SART1: variants seen among roughly 807,000 people sequenced by gnomAD.
The protein encoded by SART1 is U4/U6.U5 tri-snRNP-associated protein 1.
SART1 carries 28 observed loss-of-function variants against 105.0 expected under a neutral mutation model. The observed-to-expected ratio is 0.27, with a 90% CI of 0.20 to 0.37. The LOEUF (loss-of-function observed/expected upper bound fraction) is 0.37, where lower values mean the gene tolerates loss of function less well. SART1 is among the 10% of genes least tolerant of loss of function. SART1 has a pLI of 1.00. For synonymous variants in SART1, 472 were observed against 462.9 expected, an observed-to-expected ratio of 1.02 and a Z score of -0.25; for missense variants, 894 against 1,106.5, an observed-to-expected ratio of 0.81 and a Z score of 2.72.
Position 65,965,282 on chromosome 11 carries a change from C to T in SART1, c.555-60C>T, listed in dbSNP as rs1019896369. The T allele has an allele frequency of 3.1e-6, 5 of 1,605,036 alleles. No homozygotes were observed. In the African/African-American group the frequency reaches 5.4e-5, roughly 17 times the overall value. ...GGGAGGCCACCATCCTTGGCTGCCT[C>T]TTGAGTGGGGTGGGGAGCAGGAGCT... On this transcript the variant is annotated intron_variant, in intron 4 of 19. Coordinates refer to ENST00000312397, the MANE Select transcript of SART1 (RefSeq NM_005146.5).
chr11:65,977,225 G>A (rs559549829), intron 15 of SART1, 124 bp downstream of exon 15: 113 of 701,156 alleles, frequency 1.6e-4, no homozygotes, highest in South Asian at 6.8e-5. Context: ...CCAGCTGTCC[G>A]GCCCAGAGCC....
At chr11:65,967,440 G>C (rs376695466) in intron 10 of SART1, 31 bp from the exon 11 acceptor site, 1 of 1,613,640 alleles carries the variant, frequency 6.2e-7, no homozygotes, top group Non-Finnish European at 8.5e-7. Context: ...CCTGGGGACC[G>C]GTGCTCACCA....
rs755887180 is a variant in SART1, at chr11:65,976,392, C to T, written c.1573-3C>T. 2.0e-6 allele frequency: 3 copies of T among 1,533,842 alleles called. No individual in the cohort carries two copies. Among genetic ancestry groups the T allele is most frequent in the Non-Finnish European group, 2.6e-6 (3 of 1,144,538 alleles). On this transcript the variant is annotated splice_polypyrimidine_tract_variant and splice_region_variant and intron_variant, in intron 12 of 19. Coordinates refer to ENST00000312397, the MANE Select transcript of SART1 (RefSeq NM_005146.5). This position sits in a 1 kb window ranked among gnomAD's most constrained non-coding sequence, Gnocchi z 5.1. ...GTTTGCCCACAGCCGCTCCCTCCCC[C>T]AGGTGGTGGAGATTGTGAAGAAGCT...
chr11:65,967,216 T>A, intron 9 of SART1, 43 bp from the exon 10 acceptor site: 1 of 1,603,576 alleles, frequency 6.2e-7, no homozygotes, highest in Non-Finnish European at 8.5e-7. Flanking sequence ...GCGACCTGCC[T>A]TTCTGTGGCC....
At chr11:65,974,081 C>T (rs974011854) in intron 12 of SART1, among the ~76,000 whole-genome samples, 16 of 151,210 alleles carry the variant, frequency 1.1e-4, no homozygotes, top group South Asian at 2.1e-4. Context: ...CTATATCAGC[C>T]GCTGGGTGCG....
rs763145998 is a variant in SART1 at position 65,976,136 on chromosome 11, C to T, written c.1573-259C>T. Among the ~76,000 whole-genome samples the T allele has an allele frequency of 2.6e-5, 4 of 152,076 alleles. No homozygotes were observed. Among genetic ancestry groups the T allele is most frequent in the Non-Finnish European group, 4.4e-5 (3 of 68,012 alleles). On this transcript the variant is annotated intron_variant, in intron 12 of 19. Coordinates refer to ENST00000312397, the MANE Select transcript of SART1 (RefSeq NM_005146.5). This position sits in a 1 kb window ranked among gnomAD's most constrained non-coding sequence, Gnocchi z 5.1. ...GAGGGGCTTTGGAGGGGGATTGGCA[C>T]AGGCCTGGTCAGGAAGGCCCTGTAG...
At chr11:65,975,616 G>T (rs1248886463) in intron 12 of SART1, among the ~76,000 whole-genome samples, 3 of 152,008 alleles carry the variant, frequency 2.0e-5, no homozygotes, top group African/African-American at 7.2e-5. Flanking sequence ...ATGTTGCCCA[G>T]GCTGGTCTCG....
rs1250559587 is a variant in SART1 at position 65,964,197 on chromosome 11, G to GGGA, written c.371+69_371+71dup. The GGGA allele has an allele frequency of 3.7e-6, 5 of 1,366,284 alleles. No homozygotes were observed. The Admixed American group carries it at 6.8e-5, about 19-fold the overall frequency. The allele number at this position is 1,366,284 out of a possible 1,614,324, so 84.6% of individuals were successfully genotyped here. On this transcript the variant is annotated intron_variant, in intron 2 of 19. Transcript: ENST00000312397. ...AGAGGTGGCTCTGGGGCCAGCACGG[G>GGGA]GGAGGCTTTCTCACATGAAAGTGTG...
chr11:65,971,913 T>C (rs1394759168), intron 12 of SART1, among the ~76,000 whole-genome samples: 1 of 152,006 alleles, frequency 6.6e-6, no homozygotes, highest in Admixed American at 6.6e-5. Context: ...ACAGAAAGGA[T>C]CCTTGGAATT....
Position 65,967,598 on chromosome 11 carries a change from G to T in SART1, c.1429+12G>T, listed in dbSNP as rs1451113761. On this transcript the variant is annotated intron_variant, in intron 11 of 19. Transcript: ENST00000312397. ...CATCAGTGATGAGGGTGAGGGCCCG[G>T]CCAGGGGGTGGGAGGGGCAGGGACA... The T allele has an allele frequency of 1.2e-6, 2 of 1,610,354 alleles. No homozygotes were observed. Among genetic ancestry groups the T allele is most frequent in the Non-Finnish European group, 1.7e-6 (2 of 1,179,026 alleles).
At position 65,976,304 on chromosome 11, in the gene SART1, G is replaced by C; in HGVS notation, c.1573-91G>C. 7.3e-7 allele frequency: 1 copy of C among 1,373,568 alleles called. No homozygotes were observed. The highest frequency in any genetic ancestry group is 9.6e-7 in the Non-Finnish European group (1 of 1,037,996). The allele number at this position is 1,373,568 out of a possible 1,614,324, so 85.1% of individuals were successfully genotyped here. ...ATGGGCTGTGGGCGTGGCCTGTCTG[G>C]CTGCTGCCAGGGAGGACCCTTAGGT... On this transcript the variant is annotated intron_variant, in intron 12 of 19. Transcript: ENST00000312397. The surrounding 1 kb of genome is among the most constrained non-coding windows in gnomAD (Gnocchi z 5.1).
Position 65,980,093 on chromosome 11 carries a change from ACAGT to A in SART1, c.*1067_*1070del, listed in dbSNP as rs988665357. Reference sequence around the variant, plus strand: ...GAGCCACCACACTGCAGCCTAGGTGACAGTCAGACCCTGTCTCAAAAAAAATAAA... The same window carrying A: ...GAGCCACCACACTGCAGCCTAGGTGACAGACCCTGTCTCAAAAAAAATAAA... On this transcript the variant is annotated 3_prime_UTR_variant, in exon 20 of 20. Transcript: ENST00000312397. Among the ~76,000 whole-genome samples the A allele has an allele frequency of 6.6e-5, 10 of 152,154 alleles. No homozygotes were observed. Among genetic ancestry groups the A allele is most frequent in the African/African-American group, 1.2e-4 (5 of 41,418 alleles).
intron 1 of SART1, among the ~76,000 whole-genome samples, chr11:65,962,575 C>T (rs1472460352): frequency 6.6e-6 from 1 of 151,764 alleles, no homozygotes; most frequent in African/African-American, 2.4e-5. Flanking sequence ...GATGTGAACA[C>T]AAAGGACCCT....
At chr11:65,962,832 T>G (rs1855173370) in intron 1 of SART1, among the ~76,000 whole-genome samples, 1 of 151,806 alleles carries the variant, frequency 6.6e-6, no homozygotes, top group Non-Finnish European at 1.5e-5. Flanking sequence ...GGAGAGGTGT[T>G]TTGGAGGAGG....
chr11:65,967,850 C>T (rs1227922294), intron 12 of SART1, 29 bp downstream of exon 12: 2 of 1,467,244 alleles, frequency 1.4e-6, no homozygotes, highest in Non-Finnish European at 1.8e-6. Context: ...AGGGTGACTG[C>T]GTCAGCAGTC....
At position 65,980,119 on chromosome 11, in the gene SART1, T is replaced by A. The variant is rs1170650371; in HGVS notation, c.*1089T>A. Among the ~76,000 whole-genome samples the A allele has an allele frequency of 4.0e-5, 6 of 151,646 alleles. No individual in the cohort carries two copies. Among genetic ancestry groups the A allele is most frequent in the Admixed American group, 2.6e-4 (4 of 15,216 alleles). On this transcript the variant is annotated 3_prime_UTR_variant, in exon 20 of 20. Coordinates refer to ENST00000312397, the MANE Select transcript of SART1 (RefSeq NM_005146.5). ...CAGTCAGACCCTGTCTCAAAAAAAA[T>A]AAAAAAAATTTAAAATAATCTTGGG...
rs1251979216 is a variant in SART1 at position 65,966,094 on chromosome 11, A to G, written c.857A>G (p.Glu286Gly). ...LKDKGVLQEE[E>G]DVLVNVNLVD... ...CCCCCAGGCGTGCTGCAGGAGGAGG[A>G]GGACGTGCTGGTGAACGTGAACCTG... The change falls in exon 8 of 20, where the codon GAG becomes GGG. Residue 286 changes from glutamate to glycine, a missense_variant. Glu to Gly is a moderately conservative substitution (Grantham distance 98, BLOSUM62 -2). Transcript: ENST00000312397. The G allele has an allele frequency of 1.2e-6, 2 of 1,613,840 alleles. No individual in the cohort carries two copies. Among genetic ancestry groups the G allele is most frequent in the African/African-American group, 1.3e-5 (1 of 74,922 alleles).
At position 65,979,182 on chromosome 11, in the gene SART1, A is replaced by G. The variant is rs679581; in HGVS notation, c.*152A>G. On this transcript the variant is annotated 3_prime_UTR_variant, in exon 20 of 20. Coordinates refer to ENST00000312397, the MANE Select transcript of SART1 (RefSeq NM_005146.5). ...GGCTCCTGCTAGGTGAGACCTGGCC[A>G]TCAAATGACACAAACAACTAAACGA... 0.45 allele frequency: 415,200 copies of G among 926,216 alleles called. 96,530 individuals are homozygous for G. The highest frequency in any genetic ancestry group is 0.6 in the Admixed American group (25,605 of 42,684). The allele number at this position is 926,216 out of a possible 1,614,324, so 57.4% of individuals were successfully genotyped here.
At position 65,979,305 on chromosome 11, in the gene SART1, A is replaced by G; in HGVS notation, c.*275A>G. 1.7e-6 allele frequency: 1 copy of G among 575,964 alleles called. No homozygotes were observed. Among genetic ancestry groups the G allele is most frequent in the Non-Finnish European group, 3.1e-6 (1 of 323,518 alleles). The allele number at this position is 575,964 out of a possible 1,614,324, so 35.7% of individuals were successfully genotyped here. A position where few individuals can be genotyped will look rare whatever the true frequency, so the allele number is the denominator to read the frequency against. ...GGCCGGCTCTCTGATAGAAAGTGGA[A>G]GGCGGTTTTAGAAACTCATCACCCT... On this transcript the variant is annotated 3_prime_UTR_variant, in exon 20 of 20. Transcript: ENST00000312397.
Sources: gnomAD v4.1 joint callset for allele counts (sites outside exome capture counted in the v4.1 genomes callset) on GRCh38, gnomAD v4.1.1 for gene constraint, Gnocchi (gnomAD v3.1) non-coding constraint, MANE v1.5 for transcripts, NCBI Gene and HGNC (gene_info 2026-07-23, HGNC 2026-07-21) for gene names.